Variants in PCDHGA3 observed in about 807,000 individuals in gnomAD.
PCDHGA3 encodes protocadherin gamma-A3.
In PCDHGA3, 40 loss-of-function variants were observed where a neutral mutation model predicts 58.5. The observed-to-expected ratio is 0.68, with a 90% CI of 0.53 to 0.89. PCDHGA3 has a LOEUF of 0.89. PCDHGA3 is among the 40% of genes least tolerant of loss of function. The pLI, the probability that PCDHGA3 is intolerant of heterozygous loss-of-function variation, is 0.00. For synonymous variants in PCDHGA3, 530 were observed against 525.7 expected (o/e 1.01, Z -0.11); for missense variants, 1,223 against 1,195.9 (o/e 1.02, Z -0.33).
At chr5:141,407,889 G>T (rs1378600394) in intron 1 of PCDHGA3, 1 of 389,100 alleles carries the variant, frequency 2.6e-6, no homozygotes, top group Non-Finnish European at 4.6e-6. Context: ...TTCGGAGACC[G>T]AATTCAAAAT....
chr5:141,512,702 C>T lies in PCDHGA3; in HGVS notation c.*1529C>T, dbSNP rs940927635. 2.0e-5 allele frequency: 3 copies of T among 152,828 alleles called. No homozygotes were observed. Among genetic ancestry groups the T allele is most frequent in the Non-Finnish European group, 2.9e-5 (2 of 68,560 alleles). The allele number at this position is 152,828 out of a possible 1,614,324, so 9.5% of individuals were successfully genotyped here. ...ATAGCCAGTAGTGTAGTGCGGTGTG[C>T]TTTTACGTGATGGCGGGTGGGCAGC... On this transcript the variant is annotated 3_prime_UTR_variant, in exon 4 of 4. Transcript: ENST00000253812.
intron 1 of PCDHGA3, chr5:141,362,469 A>G (rs1762523966): frequency 6.2e-7 from 1 of 1,613,958 alleles, no homozygotes; most frequent in Admixed American, 1.7e-5. Context: ...TTCCCGCGCA[A>G]GATCTCGTCT....
At chr5:141,404,560 C>T (rs2094540099) in intron 1 of PCDHGA3, 37 of 1,613,460 alleles carry the variant, frequency 2.3e-5, no homozygotes, top group Non-Finnish European at 3.1e-5. Flanking sequence ...CGGCAAGTGA[C>T]AGTGGAAGCC....
At position 141,511,247 on chromosome 5, in the gene PCDHGA3, C is replaced by A; in HGVS notation, c.*74C>A. The A allele has an allele frequency of 1.3e-6, 2 of 1,577,162 alleles. No individual in the cohort carries two copies. The highest frequency in any genetic ancestry group is 1.7e-6 in the Non-Finnish European group (2 of 1,161,712). On this transcript the variant is annotated 3_prime_UTR_variant, in exon 4 of 4. Transcript: ENST00000253812. Reference sequence around the variant, plus strand: ...CAGCTTCTCCTTACCTGCACCCAGGCCTCAGAGTTTCAGGGCTAACCCCCA... The same window carrying A: ...CAGCTTCTCCTTACCTGCACCCAGGACTCAGAGTTTCAGGGCTAACCCCCA...
Position 141,345,384 on chromosome 5 carries a change from A to C in PCDHGA3, c.1351A>C (p.Thr451Pro), listed in dbSNP as rs1757563479. Residue 451 changes from threonine (T) to proline (P), a missense_variant, in exon 1 of 4, where the codon ACC (threonine) becomes CCC (proline). This residue lies in a region of PCDHGA3 where 791 missense variants were observed against 708.5 expected (regional missense o/e 1.12). Transcript: ENST00000253812. ...GATTGACATCAATGACAACCCACCC[A>C]CCTTCCCTCATTTATCCTACTCCGC... is the stretch of plus-strand genomic sequence containing the variant. ...HVIDINDNPP[T>P]FPHLSYSAYI... The C allele has an allele frequency of 1.2e-6, 2 of 1,613,766 alleles. No individual in the cohort carries two copies. The highest frequency in any genetic ancestry group is 1.7e-5 in the Admixed American group (1 of 59,990).
At chr5:141,360,616 G>A in intron 1 of PCDHGA3, 1 of 1,614,038 alleles carries the variant, frequency 6.2e-7, no homozygotes, top group Non-Finnish European at 8.5e-7. Context: ...CCTGGATTCA[G>A]ATGTTGGTCC....
intron 3 of PCDHGA3, among the ~76,000 whole-genome samples, chr5:141,505,981 A>G (rs1285802357): frequency 6.6e-6 from 1 of 151,898 alleles, no homozygotes; most frequent in Non-Finnish European, 1.5e-5. Context: ...CCGAGAGAAC[A>G]CCTCCTCTTT....
intron 1 of PCDHGA3, chr5:141,362,563 T>C: frequency 6.2e-7 from 1 of 1,608,274 alleles, no homozygotes; most frequent in Non-Finnish European, 8.5e-7. Context: ...GAAGGTGAGC[T>C]TTAATTAATT....
At chr5:141,488,359 T>A (rs1262194591) in intron 1 of PCDHGA3, among the ~76,000 whole-genome samples, 1 of 152,198 alleles carries the variant, frequency 6.6e-6, no homozygotes, top group Non-Finnish European at 1.5e-5. Context: ...ACCCTGTGCA[T>A]CTTTAAGTTG....
chr5:141,469,992 G>T (rs894673835), intron 1 of PCDHGA3, among the ~76,000 whole-genome samples: 2 of 152,056 alleles, frequency 1.3e-5, no homozygotes, highest in Non-Finnish European at 2.9e-5. Context: ...TTAGCTGGTC[G>T]TCGTGGCACG....
Position 141,463,438 on chromosome 5 carries a change from CTTTTTTTTT to C in PCDHGA3, c.2425-31349_2425-31341del, listed in dbSNP as rs71576115. 5.5e-3 allele frequency among the ~76,000 whole-genome samples: 572 copies of C among 103,208 alleles called. 4 individuals carry two copies. The highest frequency in any genetic ancestry group is 8.7e-3 in the Non-Finnish European group (462 of 53,292). The allele number at this position is 103,208 out of a possible 152,430, so 67.7% of individuals were successfully genotyped here. On this transcript the variant is annotated intron_variant, in intron 1 of 3. Transcript: ENST00000253812. ...GTTTGCGGATCCTCATTTCCTTCTC[CTTTTTTTTT>C]TTTTTTTTTTTTTTTTTTTGAGATG...
At chr5:141,481,795 T>C (rs2154579318) in intron 1 of PCDHGA3, among the ~76,000 whole-genome samples, 1 of 150,244 alleles carries the variant, frequency 6.7e-6, no homozygotes, top group South Asian at 2.1e-4. Context: ...CTACTAAAAA[T>C]ACAAAAATTC....
chr5:141,491,709 C>T lies in PCDHGA3; in HGVS notation c.2425-3098C>T, dbSNP rs2099725685. On this transcript the variant is annotated intron_variant, in intron 1 of 3. Coordinates refer to ENST00000253812, the MANE Select transcript of PCDHGA3 (RefSeq NM_018916.4). The surrounding 1 kb of genome is among the most constrained non-coding windows in gnomAD (Gnocchi z 6.9). The stretch of plus-strand genomic sequence containing the variant: ...TGCGGGAGCGGAGCCAGGTGAGGGG[C>T]TCGGCGCCGCCCCGGGCGACCCCTG... 6.2e-7 allele frequency: 1 copy of T among 1,610,156 alleles called. No homozygotes were observed. Among genetic ancestry groups the T allele is most frequent in the Non-Finnish European group, 8.5e-7 (1 of 1,178,376 alleles).
chr5:141,474,608 T>C (rs1469173973), intron 1 of PCDHGA3, among the ~76,000 whole-genome samples: 1 of 152,268 alleles, frequency 6.6e-6, no homozygotes, highest in Non-Finnish European at 1.5e-5. Flanking sequence ...AGGTCACATA[T>C]GGCTTTTCAT....
intron 1 of PCDHGA3, chr5:141,433,049 C>A (rs1418118305): frequency 6.2e-7 from 1 of 1,614,110 alleles, no homozygotes; most frequent in Admixed American, 1.7e-5. Flanking sequence ...CACGGACTCG[C>A]GGAAGAGTCA....
intron 1 of PCDHGA3, chr5:141,357,583 C>T (rs756550703): frequency 1.9e-6 from 3 of 1,614,188 alleles, no homozygotes; most frequent in Non-Finnish European, 1.7e-6. Context: ...TCTGATAACT[C>T]AGGATTTACT....
chr5:141,356,135 CTGGATTCTATGACA>C (rs779609652), intron 1 of PCDHGA3: 2 of 1,613,762 alleles, frequency 1.2e-6, no homozygotes, highest in Non-Finnish European at 1.7e-6. Context: ...TATGAGGACT[CTGGATTCTATGACA>C]TAGATGTAGA....
intron 1 of PCDHGA3, among the ~76,000 whole-genome samples, chr5:141,349,740 T>G (rs1013664478): frequency 2.6e-5 from 4 of 152,172 alleles, no homozygotes; most frequent in Non-Finnish European, 5.9e-5. Flanking sequence ...ATTCACTTAT[T>G]TGGATACAGC....
chr5:141,369,001 A>G (rs974961840), intron 1 of PCDHGA3, among the ~76,000 whole-genome samples: 2 of 152,152 alleles, frequency 1.3e-5, no homozygotes, highest in Non-Finnish European at 2.9e-5. Flanking sequence ...TCGGTGTGGA[A>G]CTCATTGCTT....
Sources: allele counts gnomAD v4.1 joint callset (sites outside exome capture counted in the v4.1 genomes callset), GRCh38; gene constraint gnomAD v4.1.1; regional missense constraint gnomAD v4.1.1; non-coding constraint Gnocchi (gnomAD v3.1); transcripts MANE v1.5; gene names NCBI Gene and HGNC (gene_info 2026-07-23, HGNC 2026-07-21).